The following C7orf78 variants were observed in gnomAD, a reference collection of about 807,000 sequenced individuals.
C7orf78 encodes the protein chromosome 7 open reading frame 78, also known as putative uncharacterized protein C7orf78.
the C7orf78 span, among the ~76,000 whole-genome samples, chr7:12,539,773 C>G: frequency 6.6e-6 from 1 of 152,018 alleles, no homozygotes; most frequent in African/African-American, 2.4e-5. Flanking sequence ...CTGACTAAAC[C>G]TATGGGTTTA....
the C7orf78 span, among the ~76,000 whole-genome samples, chr7:12,503,771 G>A: frequency 1.3e-5 from 2 of 152,070 alleles, no homozygotes; most frequent in Middle Eastern, 6.8e-3. Flanking sequence ...TGTATCTATT[G>A]AGTGTAGGTT....
chr7:12,497,088 C>A, the C7orf78 span, among the ~76,000 whole-genome samples: 12 of 152,086 alleles, frequency 7.9e-5, no homozygotes, highest in African/African-American at 2.4e-4. Flanking sequence ...TTTTATATTC[C>A]GTTAGAAAAA....
chr7:12,503,803 T>C, the C7orf78 span, among the ~76,000 whole-genome samples: 2 of 151,992 alleles, frequency 1.3e-5, no homozygotes, highest in African/African-American at 4.8e-5. Flanking sequence ...AAAGGAGGAA[T>C]TTTCCACATA....
the C7orf78 span, among the ~76,000 whole-genome samples, chr7:12,503,615 T>G: frequency 1.1e-3 from 168 of 152,238 alleles, no homozygotes; most frequent in African/African-American, 3.9e-3. Flanking sequence ...CTTTCTTTTT[T>G]TTTTTAATTA....
chr7:12,538,975 C>T, the C7orf78 span, among the ~76,000 whole-genome samples: 1 of 152,172 alleles, frequency 6.6e-6, no homozygotes, highest in African/African-American at 2.4e-5. Context: ...AGTTCTGTAG[C>T]TCAGCAAGCA....
chr7:12,521,989 T>C, the C7orf78 span, among the ~76,000 whole-genome samples: 2 of 152,048 alleles, frequency 1.3e-5, no homozygotes, highest in Non-Finnish European at 1.5e-5. Context: ...TGGAAAACAA[T>C]CCATCACTGC....
the C7orf78 span, among the ~76,000 whole-genome samples, chr7:12,517,412 T>A: frequency 1.3e-5 from 2 of 152,204 alleles, no homozygotes; most frequent in African/African-American, 4.8e-5. Context: ...CAGATTAATA[T>A]GATGTCTAAA....
the C7orf78 span, among the ~76,000 whole-genome samples, chr7:12,532,164 T>C: frequency 6.6e-6 from 1 of 152,210 alleles, no homozygotes; most frequent in Non-Finnish European, 1.5e-5. Flanking sequence ...AGCATTCACC[T>C]GTGGAAGCTT....
chr7:12,509,333 AG>A, the C7orf78 span, among the ~76,000 whole-genome samples: 1 of 152,218 alleles, frequency 6.6e-6, no homozygotes, highest in Non-Finnish European at 1.5e-5. Flanking sequence ...TTCAGTAATT[AG>A]GTTTTTGCTT....
At chr7:12,494,670 C>G in the C7orf78 span, among the ~76,000 whole-genome samples, 3 of 152,280 alleles carry the variant, frequency 2.0e-5, no homozygotes, top group Admixed American at 1.3e-4. Flanking sequence ...ACAGCAATAA[C>G]TGATCATCTG....
the C7orf78 span, among the ~76,000 whole-genome samples, chr7:12,489,257 A>C: frequency 7.4e-6 from 1 of 135,236 alleles, no homozygotes; most frequent in Non-Finnish European, 1.6e-5. Flanking sequence ...TGGCATGTAT[A>C]TATCATCTGG....
chr7:12,490,857 A>G, the C7orf78 span, among the ~76,000 whole-genome samples: 1 of 152,126 alleles, frequency 6.6e-6, no homozygotes, highest in African/African-American at 2.4e-5. Flanking sequence ...AGACCTAGCC[A>G]TCATTCATAT....
the C7orf78 span, among the ~76,000 whole-genome samples, chr7:12,515,133 A>G: frequency 6.6e-6 from 1 of 152,134 alleles, no homozygotes; most frequent in South Asian, 2.1e-4. Context: ...CTTCATGTCA[A>G]TATGGTTTGG....
chr7:12,509,937 G>A, the C7orf78 span, among the ~76,000 whole-genome samples: 2 of 151,546 alleles, frequency 1.3e-5, no homozygotes, highest in South Asian at 2.1e-4. Flanking sequence ...TGGAGGCTGA[G>A]GCATGAGAAT....
the C7orf78 span, among the ~76,000 whole-genome samples, chr7:12,540,501 TATA>T: frequency 7.1e-6 from 1 of 140,594 alleles, no homozygotes; most frequent in Admixed American, 6.7e-5. Context: ...AGTCAGGTAT[TATA>T]ATTATTATTA....
chr7:12,531,090 C>T, the C7orf78 span: 2 of 398,320 alleles, frequency 5.0e-6, no homozygotes, highest in Non-Finnish European at 8.9e-6. Flanking sequence ...TATGCAAGAG[C>T]AGGTGGGCAA....
chr7:12,511,918 ATTTTTTTTTTTTT>A, the C7orf78 span, among the ~76,000 whole-genome samples: 302 of 80,572 alleles, frequency 3.7e-3, 6 homozygotes, highest in Middle Eastern at 0.042. Context: ...CACCTGGCTA[ATTTTTTTTTTTTT>A]TTTTTTTTTT....
At chr7:12,518,523 C>G in the C7orf78 span, among the ~76,000 whole-genome samples, 1 of 152,106 alleles carries the variant, frequency 6.6e-6, no homozygotes, top group Non-Finnish European at 1.5e-5. Context: ...GCTGAGCAGA[C>G]CCCTCCCCGA....
the C7orf78 span, among the ~76,000 whole-genome samples, chr7:12,521,411 A>G: frequency 6.6e-6 from 1 of 151,122 alleles, no homozygotes; most frequent in Non-Finnish European, 1.5e-5. Flanking sequence ...TCTGATTAGT[A>G]TGGGGCTTAC....
Sources: allele counts gnomAD v4.1 joint callset (sites outside exome capture counted in the v4.1 genomes callset), GRCh38; gene constraint gnomAD v4.1.1; transcripts MANE v1.5; gene names NCBI Gene and HGNC (gene_info 2026-07-23, HGNC 2026-07-21).